Variants in MMD2 observed in about 807,000 individuals in gnomAD.
MMD2 encodes the protein monocyte to macrophage differentiation factor 2.
A neutral mutation model predicts 33.5 loss-of-function variants in MMD2; 30 were observed. The observed-to-expected ratio is 0.90, with a 90% CI of 0.67 to 1.22. The LOEUF (loss-of-function observed/expected upper bound fraction) is 1.22. Ranked by LOEUF, MMD2 falls within the 50% of genes most tolerant of loss-of-function variation. MMD2 has a pLI of 0.00. For missense variants in MMD2, 364 were observed against 325.4 expected, an observed-to-expected ratio of 1.12 and a Z score of -0.91; for synonymous variants, 129 against 123.0, an observed-to-expected ratio of 1.05 and a Z score of -0.32.
chr7:4,918,083 G>C (rs1785184991), intron 3 of MMD2, among the ~76,000 whole-genome samples: 1 of 152,214 alleles, frequency 6.6e-6, no homozygotes, highest in East Asian at 1.9e-4. Context: ...AGGGAGCTTA[G>C]AGCCTCCAGC....
chr7:4,936,827 C>T (rs796840311), intron 1 of MMD2, among the ~76,000 whole-genome samples: 2 of 151,986 alleles, frequency 1.3e-5, no homozygotes, highest in African/African-American at 4.8e-5. Flanking sequence ...TTCCGCCTCC[C>T]GGGTTCAAGC....
chr7:4,952,238 T>A (rs1272577650), intron 1 of MMD2, among the ~76,000 whole-genome samples: 1 of 152,154 alleles, frequency 6.6e-6, no homozygotes, highest in Non-Finnish European at 1.5e-5. Flanking sequence ...TGTGGGGCCA[T>A]CCCCTGCTCA....
At position 4,907,184 on chromosome 7, in the gene MMD2, G is replaced by A; in HGVS notation, c.*212C>T. ...TCATCTAAAATAGAAACACATTACA[G>A]GGTTAATTTCTCCTCTGTAAGAATG... On this transcript the variant is annotated 3_prime_UTR_variant, in exon 7 of 7. Coordinates refer to ENST00000401401, the MANE Select transcript of MMD2 (RefSeq NM_198403.4). 7.0e-6 allele frequency: 4 copies of A among 572,942 alleles called. No individual in the cohort carries two copies. The highest frequency in any genetic ancestry group is 1.3e-5 in the Non-Finnish European group (4 of 319,272). 35.5% of individuals were successfully genotyped at this position (572,942 alleles called of 1,614,324 possible).
chr7:4,927,649 G>GTGAGCCGAGAT (rs1322006957), intron 1 of MMD2, among the ~76,000 whole-genome samples: 1 of 152,178 alleles, frequency 6.6e-6, no homozygotes, highest in Non-Finnish European at 1.5e-5. Context: ...AGAAGTTGCA[G>GTGAGCCGAGAT]TGAGCCGAGA....
At position 4,926,776 on chromosome 7, in the gene MMD2, G is replaced by A. The variant is rs1785439782; in HGVS notation, c.48-1244C>T. 2.0e-5 allele frequency among the ~76,000 whole-genome samples: 3 copies of A among 151,546 alleles called. No individual in the cohort carries two copies. In the South Asian group the frequency reaches 6.3e-4, roughly 32 times the overall value. On this transcript the variant is annotated intron_variant, in intron 1 of 6. Coordinates refer to ENST00000401401, the MANE Select transcript of MMD2 (RefSeq NM_198403.4). ...TTCTTTTTTTTTGAGACGGAGTCGTGCTCTGTCGCCCAGGCTGGAGTGCAG... is the reference window on the plus strand; with the variant it reads ...TTCTTTTTTTTTGAGACGGAGTCGTACTCTGTCGCCCAGGCTGGAGTGCAG...
intron 1 of MMD2, among the ~76,000 whole-genome samples, chr7:4,955,133 G>A (rs533342688): frequency 8.1e-4 from 124 of 152,298 alleles, no homozygotes; most frequent in African/African-American, 2.6e-3. Flanking sequence ...CTGGGATTAC[G>A]GGCACGTGCT....
the MMD2 span, among the ~76,000 whole-genome samples, chr7:4,893,856 G>A: frequency 1.3e-5 from 2 of 152,204 alleles, 1 homozygote; most frequent in East Asian, 3.8e-4. Flanking sequence ...GCCAGTGGGA[G>A]TGTCTTTTAG....
At chr7:4,939,877 C>T (rs190243603) in intron 1 of MMD2, among the ~76,000 whole-genome samples, 1 of 152,072 alleles carries the variant, frequency 6.6e-6, no homozygotes, top group East Asian at 1.9e-4. Flanking sequence ...GTAGGTGGGA[C>T]TACAGGTGTA....
chr7:4,955,572 G>A (rs867319508), intron 1 of MMD2, among the ~76,000 whole-genome samples: 15 of 151,890 alleles, frequency 9.9e-5, no homozygotes, highest in South Asian at 4.2e-4. Flanking sequence ...AGACTTGTGG[G>A]GAAAAAAATG....
chr7:4,898,607 G>A, the MMD2 span, among the ~76,000 whole-genome samples: 2 of 152,116 alleles, frequency 1.3e-5, no homozygotes, highest in East Asian at 1.9e-4. Context: ...TAAGAAATGA[G>A]GCGTTTGGGC....
chr7:4,902,497 G>T (rs1266798944), downstream of MMD2, among the ~76,000 whole-genome samples: 2 of 152,138 alleles, frequency 1.3e-5, no homozygotes, highest in Non-Finnish European at 2.9e-5. Flanking sequence ...TACCCCACGG[G>T]GGGAGTCTGT....
chr7:4,944,559 A>G (rs925604887), intron 1 of MMD2, among the ~76,000 whole-genome samples: 2 of 152,050 alleles, frequency 1.3e-5, no homozygotes, highest in Admixed American at 6.6e-5. Context: ...TGGAAGATCG[A>G]GGAGGACTTG....
intron 2 of MMD2, among the ~76,000 whole-genome samples, chr7:4,923,052 C>A (rs80202014): frequency 0.015 from 2,312 of 152,098 alleles, 57 homozygotes; most frequent in African/African-American, 0.053. Context: ...AGGTTTTTGT[C>A]CCCAGCCTCA....
At chr7:4,921,908 A>G (rs1340626559) in intron 2 of MMD2, among the ~76,000 whole-genome samples, 1 of 152,004 alleles carries the variant, frequency 6.6e-6, no homozygotes, top group Non-Finnish European at 1.5e-5. Context: ...GCCTTGCTGT[A>G]GGGGATGGAA....
intron 1 of MMD2, among the ~76,000 whole-genome samples, chr7:4,953,474 T>C (rs935098893): frequency 8.8e-5 from 11 of 124,886 alleles, no homozygotes; most frequent in African/African-American, 2.8e-4. Flanking sequence ...TGATTCAGTC[T>C]CTTTTTTTTT....
At chr7:4,910,023 C>G in intron 5 of MMD2, 73 bp from the exon 6 acceptor site, 1 of 1,613,846 alleles carries the variant, frequency 6.2e-7, no homozygotes, top group Non-Finnish European at 8.5e-7. Flanking sequence ...GCTCCCTGTT[C>G]TTGGGGAAGA....
chr7:4,912,950 C>T (rs1785053452), intron 4 of MMD2, among the ~76,000 whole-genome samples: 2 of 152,084 alleles, frequency 1.3e-5, no homozygotes, highest in Non-Finnish European at 1.5e-5. Context: ...GTGATCTGCC[C>T]TCCTCGGCCT....
intron 1 of MMD2, among the ~76,000 whole-genome samples, chr7:4,933,553 C>T (rs530582581): frequency 6.6e-6 from 1 of 152,168 alleles, no homozygotes; most frequent in African/African-American, 2.4e-5. Context: ...TGGTGTTGCA[C>T]GTCCCTTCCT....
intron 1 of MMD2, among the ~76,000 whole-genome samples, chr7:4,936,825 C>T (rs1488425925): frequency 6.6e-6 from 1 of 152,052 alleles, no homozygotes; most frequent in Non-Finnish European, 1.5e-5. Flanking sequence ...ACTTCCGCCT[C>T]CCGGGTTCAA....
Sources: gnomAD v4.1 joint callset for allele counts (sites outside exome capture counted in the v4.1 genomes callset) on GRCh38, gnomAD v4.1.1 for gene constraint, MANE v1.5 for transcripts, NCBI Gene and HGNC (gene_info 2026-07-23, HGNC 2026-07-21) for gene names.